PEX5L: variants seen among roughly 807,000 people sequenced by gnomAD.
PEX5L encodes the protein PEX5-related protein.
Under a neutral mutation model 84.0 loss-of-function variants are expected in PEX5L, and 30 were observed. The ratio of observed to expected loss-of-function variants is 0.36; its 90% CI spans 0.27 to 0.48. The LOEUF is 0.48. PEX5L is among the 20% of genes least tolerant of loss of function. The pLI, the probability that PEX5L is intolerant of heterozygous loss-of-function variation, is 0.99. For synonymous variants in PEX5L, 270 were observed against 283.1 expected (o/e 0.95, Z 0.46); for missense variants, 533 against 754.6 (o/e 0.71, Z 3.44).
At chr3:179,910,451 A>C (rs962725243) in intron 2 of PEX5L, among the ~76,000 whole-genome samples, 2 of 152,238 alleles carry the variant, frequency 1.3e-5, no homozygotes, top group Non-Finnish European at 1.5e-5. Flanking sequence ...AATTATATAC[A>C]CTTAGAGGCT....
chr3:179,850,630 T>C (rs533489146), intron 8 of PEX5L, among the ~76,000 whole-genome samples: 61 of 152,342 alleles, frequency 4.0e-4, no homozygotes, highest in African/African-American at 1.4e-3. Context: ...TATCTACATT[T>C]GACTTGTGAA....
At chr3:179,802,066 T>TTGTGA in intron 14 of PEX5L, 34 bp from the exon 15 acceptor site, 2 of 1,449,668 alleles carry the variant, frequency 1.4e-6, no homozygotes, top group Non-Finnish European at 1.9e-6. Flanking sequence ...TTAAAATGAG[T>TTGTGA]CACATTTCAG....
chr3:179,917,240 G>T lies in PEX5L; in HGVS notation c.94-18994C>A, dbSNP rs930945051. Reference sequence around the variant, plus strand: ...CTTGTCCCACTGGAAAGTCTTCTGGGGCAATAACATGCATGGATCTGTCAT... The same window carrying T: ...CTTGTCCCACTGGAAAGTCTTCTGGTGCAATAACATGCATGGATCTGTCAT... On this transcript the variant is annotated intron_variant, in intron 2 of 14. Transcript: ENST00000467460. Among the ~76,000 whole-genome samples the T allele has an allele frequency of 2.0e-4, 31 of 151,898 alleles. 1 individual carries two copies. Among genetic ancestry groups the T allele is most frequent in the African/African-American group, 7.0e-4 (29 of 41,402 alleles).
intron 1 of PEX5L, among the ~76,000 whole-genome samples, chr3:179,977,964 A>C (rs761601852): frequency 8.5e-5 from 13 of 152,238 alleles, no homozygotes; most frequent in Admixed American, 2.0e-4. Context: ...CAAACAAAAC[A>C]TATGGCAATC....
At chr3:179,927,413 G>A (rs1428298126) in intron 2 of PEX5L, among the ~76,000 whole-genome samples, 1 of 152,188 alleles carries the variant, frequency 6.6e-6, no homozygotes, top group Admixed American at 6.5e-5. Flanking sequence ...ACAGGCCAGT[G>A]TGGCTGCCTG....
At chr3:180,035,288 TACTTA>T (rs778323851) in intron 1 of PEX5L, among the ~76,000 whole-genome samples, 3 of 152,210 alleles carry the variant, frequency 2.0e-5, no homozygotes, top group Non-Finnish European at 4.4e-5. Flanking sequence ...TCTTCTATGT[TACTTA>T]ACTTTTCAAT....
At chr3:179,904,126 T>C (rs1416617435) in intron 2 of PEX5L, among the ~76,000 whole-genome samples, 1 of 152,242 alleles carries the variant, frequency 6.6e-6, no homozygotes, top group Non-Finnish European at 1.5e-5. Context: ...TGCCTATCTA[T>C]TTAATATAAT....
At chr3:179,926,148 G>A (rs758750107) in intron 2 of PEX5L, among the ~76,000 whole-genome samples, 10 of 151,948 alleles carry the variant, frequency 6.6e-5, no homozygotes, top group Non-Finnish European at 1.3e-4. Flanking sequence ...AATAAATCTT[G>A]AATGCGACCA....
chr3:179,823,265 CT>C (rs1274819081), intron 8 of PEX5L, among the ~76,000 whole-genome samples: 1 of 152,130 alleles, frequency 6.6e-6, no homozygotes, highest in East Asian at 1.9e-4. Context: ...CATCTAATTA[CT>C]CAAAAATAAG....
chr3:180,021,830 G>A (rs1310670690), intron 1 of PEX5L, among the ~76,000 whole-genome samples: 1 of 152,136 alleles, frequency 6.6e-6, no homozygotes, highest in Non-Finnish European at 1.5e-5. Flanking sequence ...GAGCATAGAT[G>A]CTTAGTTACT....
intron 2 of PEX5L, among the ~76,000 whole-genome samples, chr3:179,920,669 T>C (rs1031738722): frequency 6.6e-6 from 1 of 152,172 alleles, no homozygotes; most frequent in Non-Finnish European, 1.5e-5. Context: ...AGAATACATA[T>C]CTATTCTCAA....
chr3:179,958,971 G>A (rs898098919), intron 2 of PEX5L, among the ~76,000 whole-genome samples: 34 of 151,766 alleles, frequency 2.2e-4, no homozygotes, highest in African/African-American at 7.8e-4. Flanking sequence ...AGCTTACAGT[G>A]AGCCGAGATC....
chr3:179,809,274 T>C (rs183562886), intron 12 of PEX5L, among the ~76,000 whole-genome samples, 197 bp downstream of exon 12: 163 of 152,224 alleles, frequency 1.1e-3, no homozygotes, highest in Non-Finnish European at 2.1e-3. Flanking sequence ...GCCCACAATG[T>C]AGATCATGTG....
chr3:179,922,446 C>CTTTTTTT (rs1560723831), intron 2 of PEX5L, among the ~76,000 whole-genome samples: 1 of 70,818 alleles, frequency 1.4e-5, no homozygotes. Context: ...GCTTCCTTTT[C>CTTTTTTT]TTTTCTTTTT....
At chr3:179,940,973 G>A (rs1775924036) in intron 2 of PEX5L, among the ~76,000 whole-genome samples, 1 of 152,198 alleles carries the variant, frequency 6.6e-6, no homozygotes, top group Non-Finnish European at 1.5e-5. Context: ...CATGTGCCAG[G>A]CGTTATGGTA....
rs150920919 is a variant in PEX5L at position 179,801,885 on chromosome 3, C to T, written c.1824G>A (p.Gln608=). ...CATCCAGGTCACCAAGATTAGCCGC[C>T]TGGAAGAGTTCTGGTTGGTCCATCA... ...LSLMDQPELF[Q]AANLGDLDVL... is the part of the protein sequence containing the mutation. The change falls in exon 15 of 15, where the codon CAG becomes CAA. Residue 608 remains glutamine, a synonymous_variant. Coordinates refer to ENST00000467460, the MANE Select transcript of PEX5L (RefSeq NM_016559.3). 3.7e-5 allele frequency: 60 copies of T among 1,614,000 alleles called. No individual in the cohort carries two copies. The highest frequency in any genetic ancestry group is 4.4e-5 in the Non-Finnish European group (52 of 1,180,002).
chr3:180,018,555 G>T (rs76175276), intron 1 of PEX5L, among the ~76,000 whole-genome samples: 3 of 152,068 alleles, frequency 2.0e-5, no homozygotes, highest in Non-Finnish European at 4.4e-5. Context: ...TAAAGATAGC[G>T]CCAATATTTA....
At chr3:180,028,871 A>C (rs999058050) in intron 1 of PEX5L, among the ~76,000 whole-genome samples, 1 of 152,258 alleles carries the variant, frequency 6.6e-6, no homozygotes, top group African/African-American at 2.4e-5. Flanking sequence ...TGGTATAAAG[A>C]CCAAATACCT....
At chr3:179,974,086 C>T (rs1785440499) in intron 1 of PEX5L, 1 of 985,506 alleles carries the variant, frequency 1.0e-6, no homozygotes, top group Non-Finnish European at 1.2e-6. Flanking sequence ...CTCAGCCAGC[C>T]CAGGCAGGGA....
Sources: allele counts gnomAD v4.1 joint callset (sites outside exome capture counted in the v4.1 genomes callset), GRCh38; gene constraint gnomAD v4.1.1; transcripts MANE v1.5; gene names NCBI Gene and HGNC (gene_info 2026-07-23, HGNC 2026-07-21).